The following SNX9 variants were observed in gnomAD, a reference collection of about 807,000 sequenced individuals.
The protein encoded by SNX9 is sorting nexin 9, also known as sorting nexin-9.
A neutral mutation model predicts 89.4 loss-of-function variants in SNX9; 44 were observed. The ratio of observed to expected loss-of-function variants is 0.49; its 90% CI spans 0.39 to 0.63. SNX9 has a LOEUF of 0.63. Ranked by LOEUF, SNX9 falls within the 30% of genes least tolerant of loss-of-function variation. The pLI is 0.00. For missense variants in SNX9, 578 were observed against 736.1 expected (o/e 0.79, Z 2.49); for synonymous variants, 236 against 247.8 (o/e 0.95, Z 0.45).
intron 1 of SNX9, among the ~76,000 whole-genome samples, chr6:157,839,573 A>G (rs939124529): frequency 1.8e-4 from 28 of 152,358 alleles, no homozygotes; most frequent in South Asian, 2.1e-4. Flanking sequence ...TGCACAGTCC[A>G]AGTGGGGGAA....
chr6:157,891,601 C>T (rs1782862838), intron 4 of SNX9, among the ~76,000 whole-genome samples: 1 of 152,282 alleles, frequency 6.6e-6, no homozygotes, highest in South Asian at 2.1e-4. Flanking sequence ...CCACTTTATG[C>T]AAGGCATTTG....
At chr6:157,924,136 G>A (rs1449491869) in intron 10 of SNX9, among the ~76,000 whole-genome samples, 1 of 152,038 alleles carries the variant, frequency 6.6e-6, no homozygotes, top group Non-Finnish European at 1.5e-5. Flanking sequence ...GGTAAAGGTT[G>A]CAGTGAGCCA....
chr6:157,854,187 A>G (rs755852082), intron 1 of SNX9, among the ~76,000 whole-genome samples: 8 of 152,298 alleles, frequency 5.3e-5, no homozygotes, highest in Middle Eastern at 6.8e-3. Flanking sequence ...AAACTTTACT[A>G]TATTTGTATT....
intron 4 of SNX9, among the ~76,000 whole-genome samples, chr6:157,890,327 C>T (rs776010330): frequency 1.3e-5 from 2 of 152,230 alleles, no homozygotes; most frequent in Non-Finnish European, 2.9e-5. Flanking sequence ...AGGTACAAGC[C>T]AGTCTACTTT....
At chr6:157,878,679 C>G (rs977631560) in intron 4 of SNX9, among the ~76,000 whole-genome samples, 1 of 152,180 alleles carries the variant, frequency 6.6e-6, no homozygotes, top group African/African-American at 2.4e-5. Flanking sequence ...GATCCGCCCA[C>G]TTCAGCCTCC....
At chr6:157,862,780 A>T (rs1782168721) in intron 1 of SNX9, among the ~76,000 whole-genome samples, 1 of 152,122 alleles carries the variant, frequency 6.6e-6, no homozygotes. Context: ...TAATAAATAC[A>T]GGTAGTTCTT....
intron 6 of SNX9, 56 bp from the exon 7 acceptor site, chr6:157,906,072 G>A: frequency 6.8e-7 from 1 of 1,466,986 alleles, no homozygotes; most frequent in East Asian, 2.3e-5. Context: ...GACGAGAGTT[G>A]TAAAATTCTT....
chr6:157,876,587 T>A (rs1782526289), intron 4 of SNX9, among the ~76,000 whole-genome samples: 1 of 152,226 alleles, frequency 6.6e-6, no homozygotes, highest in African/African-American at 2.4e-5. Context: ...TATTTAAAAT[T>A]TGCAGGCAAG....
intron 9 of SNX9, among the ~76,000 whole-genome samples, chr6:157,916,314 G>A (rs1177195725): frequency 2.6e-5 from 4 of 152,312 alleles, no homozygotes; most frequent in Non-Finnish European, 4.4e-5. Flanking sequence ...GATTACAGGC[G>A]TGAGCCACCG....
chr6:157,891,555 A>C (rs1562607008), intron 4 of SNX9, among the ~76,000 whole-genome samples: 1 of 152,236 alleles, frequency 6.6e-6, no homozygotes, highest in African/African-American at 2.4e-5. Context: ...CATACAAATG[A>C]TCAAGAACAT....
intron 17 of SNX9, 149 bp downstream of exon 17, chr6:157,941,123 C>T (rs567698267): frequency 6.0e-6 from 4 of 661,208 alleles, no homozygotes; most frequent in South Asian, 4.1e-5. Context: ...TTTTTTTAAT[C>T]TCCTAATTCC....
At chr6:157,939,194 G>T (rs974561911) in intron 16 of SNX9, among the ~76,000 whole-genome samples, 3 of 152,088 alleles carry the variant, frequency 2.0e-5, no homozygotes, top group African/African-American at 7.2e-5. Context: ...GAGCAGATGA[G>T]GGCAGCAAGT....
intron 6 of SNX9, among the ~76,000 whole-genome samples, chr6:157,904,611 T>C (rs2115173117): frequency 6.6e-6 from 1 of 152,154 alleles, no homozygotes; most frequent in East Asian, 1.9e-4. Flanking sequence ...CTTGGGAGAC[T>C]GAGGCAGGAT....
chr6:157,942,645 A>G lies in SNX9; in HGVS notation c.1741-146A>G, dbSNP rs983732355. ...CGGGGTTAAGGTCTGTCCAGCAGCA[A>G]CGCGGGGCAGGGCTGGTGCCAAAAA... On this transcript the variant is annotated intron_variant, in intron 17 of 17. Transcript: ENST00000392185. 7 of 811,928 alleles carry G rather than the reference A, an allele frequency of 8.6e-6. No individual in the cohort carries two copies. In the African/African-American group the frequency reaches 1.2e-4, roughly 14 times the overall value. 50.3% of individuals were successfully genotyped at this position (811,928 alleles called of 1,614,324 possible). A position where few individuals can be genotyped will look rare whatever the true frequency, so the allele number is the denominator to read the frequency against.
At chr6:157,896,508 GA>G (rs1782979913) in intron 4 of SNX9, among the ~76,000 whole-genome samples, 1 of 152,202 alleles carries the variant, frequency 6.6e-6, no homozygotes, top group Non-Finnish European at 1.5e-5. Context: ...TACAGGTTCA[GA>G]AAAGTAGTGG....
At chr6:157,865,212 G>A (rs370761171) in intron 1 of SNX9, among the ~76,000 whole-genome samples, 1 of 151,728 alleles carries the variant, frequency 6.6e-6, no homozygotes, top group African/African-American at 2.4e-5. Flanking sequence ...GGTGGTAGGC[G>A]CCTGTAGTCC....
chr6:157,827,647 T>G (rs948178462), intron 1 of SNX9, among the ~76,000 whole-genome samples: 16 of 145,770 alleles, frequency 1.1e-4, no homozygotes, highest in Admixed American at 7.0e-5. Context: ...CTGTTTTATT[T>G]AAAAGATCAA....
At chr6:157,898,590 C>G (rs919833931) in intron 5 of SNX9, among the ~76,000 whole-genome samples, 1 of 152,130 alleles carries the variant, frequency 6.6e-6, no homozygotes, top group Admixed American at 6.5e-5. Flanking sequence ...GTTTTAACTT[C>G]CTGTTTGACT....
Position 157,890,265 on chromosome 6 carries a change from C to G in SNX9, c.301-6562C>G, listed in dbSNP as rs536600783. On this transcript the variant is annotated intron_variant, in intron 4 of 17. Coordinates refer to ENST00000392185, the MANE Select transcript of SNX9 (RefSeq NM_016224.5). ...CATGGGTGTGCGTGTCCGTCTCCCCCACCCCTCGTGGCCATTCTCAGTCTG... is the reference window on the plus strand; with the variant it reads ...CATGGGTGTGCGTGTCCGTCTCCCCGACCCCTCGTGGCCATTCTCAGTCTG... 3.3e-5 allele frequency among the ~76,000 whole-genome samples: 5 copies of G among 152,314 alleles called. No homozygotes were observed. In the South Asian group the frequency reaches 1.0e-3, roughly 32 times the overall value.
Sources: gnomAD v4.1 joint callset for allele counts (sites outside exome capture counted in the v4.1 genomes callset) on GRCh38, gnomAD v4.1.1 for gene constraint, MANE v1.5 for transcripts, NCBI Gene and HGNC (gene_info 2026-07-23, HGNC 2026-07-21) for gene names.